IDH2: variants seen among roughly 807,000 people sequenced by gnomAD.
IDH2 encodes isocitrate dehydrogenase (NADP(+)) 2, also known as isocitrate dehydrogenase [NADP], mitochondrial.
A neutral mutation model predicts 50.5 loss-of-function variants in IDH2; 18 were observed. The ratio of observed to expected loss-of-function variants is 0.36; its 90% CI spans 0.25 to 0.53. The LOEUF (loss-of-function observed/expected upper bound fraction) is 0.53, where lower values mean the gene tolerates loss of function less well. IDH2 is among the 20% of genes least tolerant of loss of function. IDH2 has a pLI of 0.92. For missense variants in IDH2, 518 were observed against 610.7 expected, an observed-to-expected ratio of 0.85 and a Z score of 1.60; for synonymous variants, 280 against 239.8, an observed-to-expected ratio of 1.17 and a Z score of -1.55.
At chr15:90,097,429 C>A (rs778396544) in intron 1 of IDH2, among the ~76,000 whole-genome samples, 2 of 152,134 alleles carry the variant, frequency 1.3e-5, no homozygotes, top group Non-Finnish European at 2.9e-5. Flanking sequence ...GAAATGCATC[C>A]TCCAAGGATA....
Position 90,084,747 on chromosome 15 carries a change from CT to C in IDH2, c.1271+68del. The C allele has an allele frequency of 7.7e-7, 1 of 1,298,514 alleles. No individual in the cohort carries two copies. Among genetic ancestry groups the C allele is most frequent in the Non-Finnish European group, 1.1e-6 (1 of 900,426 alleles). 80.4% of individuals were successfully genotyped at this position (1,298,514 alleles called of 1,614,324 possible). Reference sequence around the variant, plus strand: ...CAGCTAAGCTGACTCATGAGGGGGACTTTAGGAGGGGTCCCCTGGCTTCCTC... The same window carrying C: ...CAGCTAAGCTGACTCATGAGGGGGACTTAGGAGGGGTCCCCTGGCTTCCTC... On this transcript the variant is annotated intron_variant, in intron 10 of 10. Coordinates refer to ENST00000330062, the MANE Select transcript of IDH2 (RefSeq NM_002168.4). This position sits in a 1 kb window ranked among gnomAD's most constrained non-coding sequence, Gnocchi z 5.0.
At chr15:90,099,627 T>G (rs1244431031) in intron 1 of IDH2, among the ~76,000 whole-genome samples, 1 of 152,150 alleles carries the variant, frequency 6.6e-6, no homozygotes, top group Non-Finnish European at 1.5e-5. Context: ...GCTAATTTTA[T>G]TTTTTATTTT....
chr15:90,088,313 G>A (rs775238640), intron 5 of IDH2, 46 bp downstream of exon 5: 1 of 1,608,310 alleles, frequency 6.2e-7, no homozygotes, highest in Admixed American at 1.7e-5. Flanking sequence ...GAGATGAAGA[G>A]ACAAGCTGGG....
At chr15:90,095,062 G>T (rs1053139939) in intron 1 of IDH2, among the ~76,000 whole-genome samples, 3 of 151,274 alleles carry the variant, frequency 2.0e-5, no homozygotes, top group Non-Finnish European at 2.9e-5. Flanking sequence ...GATATGCAAA[G>T]AGTTTGTTTT....
At position 90,088,653 on chromosome 15, in the gene IDH2, G is replaced by C; in HGVS notation, c.468C>G (p.Asn156Lys). 2 of 1,614,222 alleles carry C rather than the reference G, an allele frequency of 1.2e-6. No homozygotes were observed. The highest frequency in any genetic ancestry group is 8.5e-7 in the Non-Finnish European group (1 of 1,180,050). Reference sequence around the variant, plus strand: ...TCCAGCCAGGGACTAGGCGTGGGATGTTTTTGCAGATGATGGGCTCCCGGA... The same window carrying C: ...TCCAGCCAGGGACTAGGCGTGGGATCTTTTTGCAGATGATGGGCTCCCGGA... ...TVFREPIICKNIPRLVPGWTK... is the reference protein window; with the variant it reads ...TVFREPIICKKIPRLVPGWTK... The change falls in exon 4 of 11, where the codon AAC (asparagine) becomes AAG (lysine). Residue 156 changes from asparagine to lysine, a missense_variant. Asn to Lys is a moderately conservative substitution (Grantham distance 94, BLOSUM62 0). Coordinates refer to ENST00000330062, the MANE Select transcript of IDH2 (RefSeq NM_002168.4).
chr15:90,085,238 T>G lies in IDH2; in HGVS notation c.1080+37A>C, dbSNP rs1596072248. 1 of 1,509,224 alleles carries G rather than the reference T, an allele frequency of 6.6e-7. No homozygotes were observed. The highest frequency in any genetic ancestry group is 9.1e-7 in the Non-Finnish European group (1 of 1,102,992). The allele number at this position is 1,509,224 out of a possible 1,614,324, so 93.5% of individuals were successfully genotyped here. A position where few individuals can be genotyped will look rare whatever the true frequency, so the allele number is the denominator to read the frequency against. On this transcript the variant is annotated intron_variant, in intron 8 of 10. Coordinates refer to ENST00000330062, the MANE Select transcript of IDH2 (RefSeq NM_002168.4). This position sits in a 1 kb window ranked among gnomAD's most constrained non-coding sequence, Gnocchi z 5.5. ...CCCAGTGGGCTTTAGGCCCCTGGGGTAGAGGGGCATTGTGAGGCCCCATGC... is the reference window on the plus strand; with the variant it reads ...CCCAGTGGGCTTTAGGCCCCTGGGGGAGAGGGGCATTGTGAGGCCCCATGC...
At position 90,098,986 on chromosome 15, in the gene IDH2, T is replaced by C. The variant is rs1195625827; in HGVS notation, c.115+3290A>G. Among the ~76,000 whole-genome samples, 2 of 152,118 alleles carry C rather than the reference T, an allele frequency of 1.3e-5. No homozygotes were observed. The highest frequency in any genetic ancestry group is 6.6e-5 in the Admixed American group (1 of 15,262). ...TGCCTGCTGCGTATCTAGATTTTTA[T>C]GTAAAATCGCCTGAATTGGAACCTT... On this transcript the variant is annotated intron_variant, in intron 1 of 10. Coordinates refer to ENST00000330062, the MANE Select transcript of IDH2 (RefSeq NM_002168.4). The surrounding 1 kb of genome is among the most constrained non-coding windows in gnomAD (Gnocchi z 5.1).
chr15:90,087,851 G>A (rs538184757), intron 5 of IDH2, among the ~76,000 whole-genome samples: 20 of 103,866 alleles, frequency 1.9e-4, no homozygotes, highest in East Asian at 3.1e-4. Flanking sequence ...GGAAAGCACC[G>A]CCTTAGACTA....
At chr15:90,091,732 A>G in intron 1 of IDH2, 88 bp from the exon 2 acceptor site, 2 of 1,061,950 alleles carry the variant, frequency 1.9e-6, no homozygotes, top group Non-Finnish European at 1.5e-6. Context: ...CTTCACCAGG[A>G]GACAGTGGCA....
At chr15:90,087,928 C>G (rs1195000144) in intron 5 of IDH2, among the ~76,000 whole-genome samples, 1 of 150,862 alleles carries the variant, frequency 6.6e-6, no homozygotes, top group Admixed American at 6.6e-5. Flanking sequence ...CCTGGCTTAT[C>G]CAATCAGAAG....
intron 3 of IDH2, among the ~76,000 whole-genome samples, chr15:90,088,987 TCAC>T (rs1900957561): frequency 6.9e-6 from 1 of 144,602 alleles, no homozygotes. Context: ...CGATCTCGGC[TCAC>T]CACAACCTCT....
intron 3 of IDH2, among the ~76,000 whole-genome samples, chr15:90,088,954 G>A (rs1596074986): frequency 1.9e-5 from 2 of 106,038 alleles, no homozygotes; most frequent in Non-Finnish European, 3.6e-5. Context: ...TGCTCCTATT[G>A]CCCAGGCTGG....
At position 90,084,662 on chromosome 15, in the gene IDH2, C is replaced by T. The variant is rs931578054; in HGVS notation, c.1271+154G>A. Among the ~76,000 whole-genome samples the T allele has an allele frequency of 3.9e-5, 6 of 152,196 alleles. No individual in the cohort carries two copies. Among genetic ancestry groups the T allele is most frequent in the Non-Finnish European group, 7.3e-5 (5 of 68,032 alleles). On this transcript the variant is annotated intron_variant, in intron 10 of 10. Coordinates refer to ENST00000330062, the MANE Select transcript of IDH2 (RefSeq NM_002168.4). This position sits in a 1 kb window ranked among gnomAD's most constrained non-coding sequence, Gnocchi z 5.0. ...GGAGGAACTCACTAGACCTGGTCTA[C>T]AGAGGCTGGCCTGAGCAGTCTCTCA...
Position 90,084,097 on chromosome 15 carries a change from C to T in IDH2, c.*169G>A. 1 of 626,610 alleles carries T rather than the reference C, an allele frequency of 1.6e-6. No homozygotes were observed. Among genetic ancestry groups the T allele is most frequent in the Non-Finnish European group, 2.9e-6 (1 of 349,184 alleles). The allele number at this position is 626,610 out of a possible 1,614,324, so 38.8% of individuals were successfully genotyped here. A position where few individuals can be genotyped will look rare whatever the true frequency, so the allele number is the denominator to read the frequency against. ...AAAACGCACTGCTCCTGCCTCACGTCACCATGAGGGGAAACACACATATGC... is the reference window on the plus strand; with the variant it reads ...AAAACGCACTGCTCCTGCCTCACGTTACCATGAGGGGAAACACACATATGC... On this transcript the variant is annotated 3_prime_UTR_variant, in exon 11 of 11. Coordinates refer to ENST00000330062, the MANE Select transcript of IDH2 (RefSeq NM_002168.4). This position sits in a 1 kb window ranked among gnomAD's most constrained non-coding sequence, Gnocchi z 5.0.
chr15:90,085,249 T>C lies in IDH2; in HGVS notation c.1080+26A>G. 1 of 1,526,072 alleles carries C rather than the reference T, an allele frequency of 6.6e-7. No individual in the cohort carries two copies. Among genetic ancestry groups the C allele is most frequent in the Non-Finnish European group, 8.9e-7 (1 of 1,119,318 alleles). The allele number at this position is 1,526,072 out of a possible 1,614,324, so 94.5% of individuals were successfully genotyped here. On this transcript the variant is annotated intron_variant, in intron 8 of 10. Coordinates refer to ENST00000330062, the MANE Select transcript of IDH2 (RefSeq NM_002168.4). The surrounding 1 kb of genome is among the most constrained non-coding windows in gnomAD (Gnocchi z 5.5). ...TTAGGCCCCTGGGGTAGAGGGGCAT[T>C]GTGAGGCCCCATGCCCTGCACTCAC...
rs1324507937 is a variant in IDH2, at chr15:90,098,651, TCTC to T, written c.115+3622_115+3624del. 6.6e-5 allele frequency among the ~76,000 whole-genome samples: 9 copies of T among 135,412 alleles called. No individual in the cohort carries two copies. The highest frequency in any genetic ancestry group is 2.9e-4 in the African/African-American group (9 of 31,550). 88.8% of individuals were successfully genotyped at this position (135,412 alleles called of 152,430 possible). On this transcript the variant is annotated intron_variant, in intron 1 of 10. Transcript: ENST00000330062. This position sits in a 1 kb window ranked among gnomAD's most constrained non-coding sequence, Gnocchi z 5.1. Reference sequence around the variant, plus strand: ...GCTCCACCTCCTGGGTTCAGGCAATTCTCCTGCCTCAGCCCCTGAGTAGCTGGG... The same window carrying T: ...GCTCCACCTCCTGGGTTCAGGCAATTCTGCCTCAGCCCCTGAGTAGCTGGG...
Position 90,088,340 on chromosome 15 carries a change from A to G in IDH2, c.678+19T>C, listed in dbSNP as rs940765473. 6.2e-6 allele frequency: 10 copies of G among 1,612,130 alleles called. No individual in the cohort carries two copies. In the Admixed American group the frequency reaches 6.7e-5, roughly 11 times the overall value. On this transcript the variant is annotated intron_variant, in intron 5 of 10. Transcript: ENST00000330062. ...CAAGCTGGGAGAGGAGGGGCCCAGG[A>G]TGCCCAAGCCAGCCTCACCTCGTCG...
intron 1 of IDH2, among the ~76,000 whole-genome samples, chr15:90,097,986 C>T (rs1343404008): frequency 6.6e-6 from 1 of 152,160 alleles, no homozygotes; most frequent in Non-Finnish European, 1.5e-5. Context: ...CCAGTGTGGC[C>T]CAGGGCACTG....
chr15:90,102,117 G>C (rs1014481093), intron 1 of IDH2, among the ~76,000 whole-genome samples, 159 bp downstream of exon 1: 21 of 152,042 alleles, frequency 1.4e-4, no homozygotes, highest in African/African-American at 4.6e-4. Flanking sequence ...CGCCGGGCGG[G>C]GGAGCGCGGA....
Sources: allele counts gnomAD v4.1 joint callset (sites outside exome capture counted in the v4.1 genomes callset), GRCh38; gene constraint gnomAD v4.1.1; non-coding constraint Gnocchi (gnomAD v3.1); transcripts MANE v1.5; gene names NCBI Gene and HGNC (gene_info 2026-07-23, HGNC 2026-07-21).